The following CDS2 variants were observed in gnomAD, a reference collection of about 807,000 sequenced individuals.
The protein encoded by CDS2 is CDP-diacylglycerol synthase 2.
In CDS2, 47 loss-of-function variants were observed where a neutral mutation model predicts 59.0. The ratio of observed to expected loss-of-function variants is 0.80; its 90% CI spans 0.63 to 1.02. CDS2 has a LOEUF of 1.02. Among genes scored for constraint, CDS2 ranks in the 50% least tolerant of loss-of-function variants. CDS2 has a pLI of 0.00. For missense variants in CDS2, 356 were observed against 558.9 expected (o/e 0.64, Z 3.66); for synonymous variants, 207 against 206.4 (o/e 1.00, Z -0.02).
chr20:5,188,055 C>CGTGTGTGTGTGTGTGTGTGT (rs71332879), intron 10 of CDS2, among the ~76,000 whole-genome samples: 62 of 148,898 alleles, frequency 4.2e-4, no homozygotes, highest in African/African-American at 1.3e-3. Flanking sequence ...TCTTAACGTA[C>CGTGTGTGTGTGTGTGTGTGT]GTGTGTGTGT....
Position 5,191,414 on chromosome 20 carries a change from A to ATT in CDS2, c.*1187_*1188dup. ...GTTGTTGTTGTTTGCTTAAACTGTG[A>ATT]TTTTTTTTCCCCTCCCTAATTTCAG... On this transcript the variant is annotated 3_prime_UTR_variant, in exon 13 of 13. Transcript: ENST00000460006. 1 of 151,970 alleles carries ATT rather than the reference A, an allele frequency of 6.6e-6. No individual in the cohort carries two copies. Among genetic ancestry groups the ATT allele is most frequent in the East Asian group, 1.9e-4 (1 of 5,170 alleles). The allele number at this position is 151,970 out of a possible 1,614,324, so 9.4% of individuals were successfully genotyped here. A position where few individuals can be genotyped will look rare whatever the true frequency, so the allele number is the denominator to read the frequency against.
At chr20:5,147,617 T>C (rs2122984758) in intron 1 of CDS2, among the ~76,000 whole-genome samples, 1 of 152,300 alleles carries the variant, frequency 6.6e-6, no homozygotes, top group Non-Finnish European at 1.5e-5. Flanking sequence ...TTGCCCAGGC[T>C]GGTCTCGAAC....
intron 1 of CDS2, among the ~76,000 whole-genome samples, chr20:5,157,672 G>A (rs2090843880): frequency 1.3e-5 from 2 of 152,170 alleles, no homozygotes; most frequent in African/African-American, 4.8e-5. Context: ...TTCATCCAGG[G>A]CTTCTCACTG....
chr20:5,192,417 G>C lies in CDS2; in HGVS notation c.*2183G>C, dbSNP rs2091123628. The stretch of plus-strand genomic sequence containing the variant: ...ACTAGAGCTGCTAGCAGGCAGGCCA[G>C]AGGGTCAGCTTGTGTTTTATTTTCT... On this transcript the variant is annotated 3_prime_UTR_variant, in exon 13 of 13. Transcript: ENST00000460006. The C allele has an allele frequency of 6.6e-6, 1 of 152,468 alleles. No homozygotes were observed. The highest frequency in any genetic ancestry group is 2.4e-5 in the African/African-American group (1 of 41,464). The allele number at this position is 152,468 out of a possible 1,614,324, so 9.4% of individuals were successfully genotyped here.
chr20:5,168,816 C>T (rs866004861), intron 1 of CDS2, among the ~76,000 whole-genome samples: 1 of 152,198 alleles, frequency 6.6e-6, no homozygotes, highest in African/African-American at 2.4e-5. Flanking sequence ...AGGAACATCC[C>T]CTCCTGCCCA....
At position 5,194,462 on chromosome 20, in the gene CDS2, G is replaced by A. The variant is rs1457271444; in HGVS notation, c.*4228G>A. The A allele has an allele frequency of 6.6e-6, 1 of 152,350 alleles. No individual in the cohort carries two copies. The highest frequency in any genetic ancestry group is 1.9e-4 in the East Asian group (1 of 5,198). The allele number at this position is 152,350 out of a possible 1,614,324, so 9.4% of individuals were successfully genotyped here. On this transcript the variant is annotated 3_prime_UTR_variant, in exon 13 of 13. Coordinates refer to ENST00000460006, the MANE Select transcript of CDS2 (RefSeq NM_003818.4). ...TCCTGGCTGCTGTTGCCATCTGAAT[G>A]CGCCCTTCCCTTTCAGGTTGACCAG...
chr20:5,146,882 T>C (rs2090747849), intron 1 of CDS2, among the ~76,000 whole-genome samples: 1 of 152,224 alleles, frequency 6.6e-6, no homozygotes, highest in South Asian at 2.1e-4. Context: ...CTCTTGCCCT[T>C]CTACCTTCCT....
chr20:5,154,639 TTTTG>T (rs537557558), intron 1 of CDS2, among the ~76,000 whole-genome samples: 15 of 152,140 alleles, frequency 9.9e-5, no homozygotes, highest in South Asian at 2.1e-4. Flanking sequence ...ACAGATGTCT[TTTTG>T]TTTGTTTGTT....
At chr20:5,189,882 T>A in intron 12 of CDS2, 44 bp downstream of exon 12, 2 of 1,499,638 alleles carry the variant, frequency 1.3e-6, no homozygotes, top group Non-Finnish European at 1.8e-6. Flanking sequence ...GATTTTTAAG[T>A]ACGGTGCAAT....
chr20:5,168,493 C>A, intron 1 of CDS2: 1 of 427,910 alleles, frequency 2.3e-6, no homozygotes, highest in Non-Finnish European at 4.7e-6. Flanking sequence ...CGGTGTGGAG[C>A]CTGACACAGT....
intron 6 of CDS2, 32 bp from the exon 7 acceptor site, chr20:5,183,029 G>A (rs1382960616): frequency 6.4e-7 from 1 of 1,571,622 alleles, no homozygotes; most frequent in Non-Finnish European, 8.8e-7. Flanking sequence ...AGGTAAACTG[G>A]TAAGTAGTGT....
chr20:5,134,588 T>C (rs760671908), intron 1 of CDS2, among the ~76,000 whole-genome samples: 2 of 152,214 alleles, frequency 1.3e-5, no homozygotes, highest in Non-Finnish European at 2.9e-5. Context: ...TGGCGTGATC[T>C]CAGCTCACTG....
Position 5,158,776 on chromosome 20 carries a change from C to T in CDS2, c.58-14747C>T, listed in dbSNP as rs554495382. Among the ~76,000 whole-genome samples the T allele has an allele frequency of 2.6e-4, 40 of 152,184 alleles. No homozygotes were observed. In the South Asian group the frequency reaches 6.4e-3, roughly 24 times the overall value. On this transcript the variant is annotated intron_variant, in intron 1 of 12. Transcript: ENST00000460006. ...CAGTAGGAATTTAATACTGGGTGAT[C>T]GTTGTATCTTACAAGGTGCATCCTC... is the stretch of plus-strand genomic sequence containing the variant.
chr20:5,170,743 A>G lies in CDS2; in HGVS notation c.58-2780A>G, dbSNP rs377328153. 2.6e-5 allele frequency among the ~76,000 whole-genome samples: 4 copies of G among 152,378 alleles called. No individual in the cohort carries two copies. In the East Asian group the frequency reaches 7.7e-4, roughly 29 times the overall value. On this transcript the variant is annotated intron_variant, in intron 1 of 12. Coordinates refer to ENST00000460006, the MANE Select transcript of CDS2 (RefSeq NM_003818.4). ...TCACTTAAAGGTAGCAAAAACCTAGAAAGTTAATCTCTTTCAGGCTTGTTT... is the reference window on the plus strand; with the variant it reads ...TCACTTAAAGGTAGCAAAAACCTAGGAAGTTAATCTCTTTCAGGCTTGTTT...
intron 4 of CDS2, among the ~76,000 whole-genome samples, chr20:5,177,100 C>T (rs1354843059): frequency 6.6e-6 from 1 of 152,094 alleles, no homozygotes; most frequent in African/African-American, 2.4e-5. Flanking sequence ...TGGAATCTTC[C>T]TGAGAAGAAA....
chr20:5,153,686 G>A (rs2090810634), intron 1 of CDS2, among the ~76,000 whole-genome samples: 1 of 152,134 alleles, frequency 6.6e-6, no homozygotes, highest in Non-Finnish European at 1.5e-5. Context: ...CCTGAGATGA[G>A]GAATGACTTG....
At chr20:5,189,885 G>A (rs374968017) in intron 12 of CDS2, 47 bp downstream of exon 12, 34 of 1,484,760 alleles carry the variant, frequency 2.3e-5, no homozygotes, top group Admixed American at 3.6e-5. Context: ...TTTTAAGTAC[G>A]GTGCAATTCT....
At position 5,191,534 on chromosome 20, in the gene CDS2, A is replaced by T. The variant is rs184515327; in HGVS notation, c.*1300A>T. 6.6e-6 allele frequency: 1 copy of T among 152,282 alleles called. No individual in the cohort carries two copies. 9.4% of individuals were successfully genotyped at this position (152,282 alleles called of 1,614,324 possible). A position where few individuals can be genotyped will look rare whatever the true frequency, so the allele number is the denominator to read the frequency against. On this transcript the variant is annotated 3_prime_UTR_variant, in exon 13 of 13. Transcript: ENST00000460006. ...AGAACTTGGCACCCAAATATATCAA[A>T]CTATTCCGTGCCGTGGATGTTTTCA...
At chr20:5,190,030 G>C in intron 12 of CDS2, 72 bp from the exon 13 acceptor site, 10 of 1,573,070 alleles carry the variant, frequency 6.4e-6, no homozygotes, top group Non-Finnish European at 7.8e-6. Context: ...GATCAGAGCA[G>C]CCACTCAGAT....
Sources: allele counts gnomAD v4.1 joint callset (sites outside exome capture counted in the v4.1 genomes callset), GRCh38; gene constraint gnomAD v4.1.1; transcripts MANE v1.5; gene names NCBI Gene and HGNC (gene_info 2026-07-23, HGNC 2026-07-21).